Variants in FGF14 observed in about 807,000 individuals in gnomAD.
FGF14 encodes fibroblast growth factor 14.
FGF14 carries 5 observed loss-of-function variants against 25.5 expected under a neutral mutation model. That is an observed-to-expected ratio of 0.20 (90% CI 0.10 to 0.41). FGF14 has a LOEUF of 0.41. FGF14 is among the 10% of genes least tolerant of loss of function. The pLI is 1.00. For synonymous variants in FGF14, 138 were observed against 118.3 expected, an observed-to-expected ratio of 1.17 and a Z score of -1.08; for missense variants, 222 against 320.1, an observed-to-expected ratio of 0.69 and a Z score of 2.34.
At chr13:101,892,953 A>G (rs2029977399) in intron 1 of FGF14, among the ~76,000 whole-genome samples, 1 of 152,196 alleles carries the variant, frequency 6.6e-6, no homozygotes, top group South Asian at 2.1e-4. Flanking sequence ...TGAGGTCAGT[A>G]GATTAAAGCA....
intron 1 of FGF14, among the ~76,000 whole-genome samples, chr13:102,153,147 T>C (rs1293945306): frequency 1.3e-5 from 2 of 152,178 alleles, no homozygotes; most frequent in Admixed American, 6.6e-5. Flanking sequence ...TAGACATACC[T>C]GACATTTTTA....
chr13:102,259,406 T>G (rs559887539), intron 1 of FGF14, among the ~76,000 whole-genome samples: 21 of 152,342 alleles, frequency 1.4e-4, no homozygotes, highest in Admixed American at 5.2e-4. Context: ...AAACAGAGTC[T>G]CATTCTATGT....
At chr13:102,020,446 C>A (rs757084717) in intron 1 of FGF14, among the ~76,000 whole-genome samples, 1 of 151,632 alleles carries the variant, frequency 6.6e-6, no homozygotes, top group Non-Finnish European at 1.5e-5. Flanking sequence ...TACTTGGGAG[C>A]CTGAGGCAGG....
At chr13:101,947,410 T>C (rs1191560161) in intron 1 of FGF14, among the ~76,000 whole-genome samples, 4 of 151,954 alleles carry the variant, frequency 2.6e-5, no homozygotes, top group Non-Finnish European at 4.4e-5. Flanking sequence ...CTATTCACAG[T>C]AGCAAAGACA....
chr13:102,040,496 C>A (rs539903923), intron 1 of FGF14, among the ~76,000 whole-genome samples: 1 of 152,238 alleles, frequency 6.6e-6, no homozygotes, highest in East Asian at 1.9e-4. Context: ...CACTCTATAT[C>A]TTTGAGCCCT....
At chr13:101,783,547 A>G (rs1192152630) in intron 3 of FGF14, among the ~76,000 whole-genome samples, 2 of 149,772 alleles carry the variant, frequency 1.3e-5, no homozygotes, top group Non-Finnish European at 3.0e-5. Context: ...TAAATTTTTT[A>G]AGTTCCTTAT....
At chr13:101,797,772 T>TGTGTGTGTGTGTGTGTGTGC (rs1555384576) in intron 3 of FGF14, among the ~76,000 whole-genome samples, 52 of 145,552 alleles carry the variant, frequency 3.6e-4, no homozygotes, top group Non-Finnish European at 6.6e-4. Flanking sequence ...TGTGTGTGTG[T>TGTGTGTGTGTGTGTGTGTGC]GTGTGTGTGT....
intron 1 of FGF14, among the ~76,000 whole-genome samples, chr13:101,878,518 G>C (rs1157639345): frequency 2.0e-5 from 3 of 152,106 alleles, no homozygotes; most frequent in Non-Finnish European, 4.4e-5. Flanking sequence ...GAATAGTTTA[G>C]GGGGAAAAAT....
At chr13:101,874,235 G>T (rs1280447023) in intron 2 of FGF14, among the ~76,000 whole-genome samples, 3 of 151,932 alleles carry the variant, frequency 2.0e-5, no homozygotes, top group African/African-American at 2.4e-5. Flanking sequence ...AATAAAAAAG[G>T]AAGTGCCTTC....
intron 1 of FGF14, among the ~76,000 whole-genome samples, chr13:102,047,469 C>T (rs1595101328): frequency 6.6e-6 from 1 of 152,058 alleles, no homozygotes. Context: ...GAAAATGTGG[C>T]ACATATACAC....
Position 101,713,809 on chromosome 13 carries a change from C to G in FGF14, c.*9022G>C, listed in dbSNP as rs2034589300. On this transcript the variant is annotated 3_prime_UTR_variant, in exon 5 of 5. Coordinates refer to ENST00000376143, the MANE Select transcript of FGF14 (RefSeq NM_004115.4). ...AGGGAAAAAGAGTTGAATCCAGAGC[C>G]TCATAAAATATGAACTTTGGGAGTA... The G allele has an allele frequency of 6.6e-6, 1 of 151,988 alleles. No homozygotes were observed. Among genetic ancestry groups the G allele is most frequent in the Non-Finnish European group, 1.5e-5 (1 of 68,008 alleles). 9.4% of individuals were successfully genotyped at this position (151,988 alleles called of 1,614,324 possible). A position where few individuals can be genotyped will look rare whatever the true frequency, so the allele number is the denominator to read the frequency against.
chr13:102,277,166 C>T (rs572032177), intron 1 of FGF14, among the ~76,000 whole-genome samples: 6 of 152,264 alleles, frequency 3.9e-5, no homozygotes, highest in Non-Finnish European at 7.4e-5. Context: ...TTGTGGTTGA[C>T]GAAAATTGTT....
At chr13:101,975,535 T>C (rs2037868119) in intron 1 of FGF14, among the ~76,000 whole-genome samples, 1 of 152,198 alleles carries the variant, frequency 6.6e-6, no homozygotes, top group Admixed American at 6.5e-5. Context: ...CTCCCTCTGT[T>C]ACATGGTTTA....
chr13:102,131,150 T>C (rs964967064), intron 1 of FGF14, among the ~76,000 whole-genome samples: 1 of 152,162 alleles, frequency 6.6e-6, no homozygotes, highest in African/African-American at 2.4e-5. Flanking sequence ...CTCTCCCTTA[T>C]GTTTCTGCCT....
At position 101,864,408 on chromosome 13, in the gene FGF14, C is replaced by T. The variant is rs373318576; in HGVS notation, c.408+4317G>A. ...TCCCCCAGATACCATTGCAGCAATGCTTGTTGTGTGATTGTCCACAGTTGA... is the reference window on the plus strand; with the variant it reads ...TCCCCCAGATACCATTGCAGCAATGTTTGTTGTGTGATTGTCCACAGTTGA... On this transcript the variant is annotated intron_variant, in intron 3 of 4. Coordinates refer to ENST00000376143, the MANE Select transcript of FGF14 (RefSeq NM_004115.4). Among the ~76,000 whole-genome samples the T allele has an allele frequency of 7.2e-5, 11 of 152,214 alleles. No homozygotes were observed. In the East Asian group the frequency reaches 1.9e-3, roughly 27 times the overall value.
At chr13:101,904,761 T>C (rs1484984081) in intron 1 of FGF14, among the ~76,000 whole-genome samples, 1 of 152,134 alleles carries the variant, frequency 6.6e-6, no homozygotes, top group Non-Finnish European at 1.5e-5. Context: ...AAAGTAAAAA[T>C]GATAACATTT....
intron 3 of FGF14, among the ~76,000 whole-genome samples, chr13:101,821,637 T>C (rs2042161454): frequency 6.6e-6 from 1 of 152,236 alleles, no homozygotes; most frequent in Admixed American, 6.5e-5. Context: ...CAAATGGTTA[T>C]AGCAACTGAC....
intron 1 of FGF14, chr13:102,366,299 T>C (rs1286738824): frequency 6.6e-6 from 1 of 152,142 alleles, no homozygotes; most frequent in African/African-American, 2.4e-5. Context: ...GAGTAAATCA[T>C]GAGTGACTGA....
chr13:102,170,717 G>C (rs996106181), intron 1 of FGF14, among the ~76,000 whole-genome samples: 1 of 152,146 alleles, frequency 6.6e-6, no homozygotes, highest in Non-Finnish European at 1.5e-5. Flanking sequence ...TGACATTTCA[G>C]CTACCCAGCA....
Sources: gnomAD v4.1 joint callset for allele counts (sites outside exome capture counted in the v4.1 genomes callset) on GRCh38, gnomAD v4.1.1 for gene constraint, MANE v1.5 for transcripts, NCBI Gene and HGNC (gene_info 2026-07-23, HGNC 2026-07-21) for gene names.